Variants in GNG12 observed in about 807,000 individuals in gnomAD.
The protein encoded by GNG12 is G protein subunit gamma 12.
For missense variants in GNG12, 69 were observed against 83.8 expected, an observed-to-expected ratio of 0.82 and a Z score of 0.69; for synonymous variants, 28 against 29.7, an observed-to-expected ratio of 0.94 and a Z score of 0.19.
chr1:67,777,454 T>C lies in GNG12; in HGVS notation c.-27+4A>G, dbSNP rs1253931316. 1.1e-5 allele frequency: 10 copies of C among 898,250 alleles called. No individual in the cohort carries two copies. The highest frequency in any genetic ancestry group is 1.3e-5 in the Non-Finnish European group (10 of 750,442). The allele number at this position is 898,250 out of a possible 1,614,324, so 55.6% of individuals were successfully genotyped here. On this transcript the variant is annotated splice_donor_region_variant and intron_variant, in intron 2 of 3. Transcript: ENST00000370982. ...TCACTTTGTTTAAGAAATGAAGAAC[T>C]TACCAGTAAGACTTTGTGTGGTCCA... is the stretch of plus-strand genomic sequence containing the variant.
intron 2 of GNG12, among the ~76,000 whole-genome samples, chr1:67,776,180 A>G (rs148890617): frequency 3.3e-5 from 5 of 152,246 alleles, no homozygotes; most frequent in African/African-American, 1.2e-4. Flanking sequence ...GAACTGACTG[A>G]GATGCCAGAC....
chr1:67,825,488 T>G (rs1003008134), intron 1 of GNG12, among the ~76,000 whole-genome samples: 1 of 152,162 alleles, frequency 6.6e-6, no homozygotes, highest in Non-Finnish European at 1.5e-5. Context: ...GAGAAGGAAG[T>G]TGATTCTGGC....
At chr1:67,819,779 G>A (rs1284188284) in intron 1 of GNG12, among the ~76,000 whole-genome samples, 3 of 152,090 alleles carry the variant, frequency 2.0e-5, no homozygotes, top group African/African-American at 4.8e-5. Flanking sequence ...TCAAACATGC[G>A]AAGCTTATTC....
At chr1:67,748,273 T>C (rs1325982679) in intron 2 of GNG12, among the ~76,000 whole-genome samples, 1 of 152,220 alleles carries the variant, frequency 6.6e-6, no homozygotes, top group African/African-American at 2.4e-5. Context: ...ATTTGGAAGT[T>C]TGGTTACAGA....
At chr1:67,787,036 AGTGTGTGT>A (rs56084524) in intron 1 of GNG12, among the ~76,000 whole-genome samples, 60 of 131,424 alleles carry the variant, frequency 4.6e-4, no homozygotes, top group Middle Eastern at 3.7e-3. Flanking sequence ...TATGTGTATA[AGTGTGTGT>A]GTGTGTGTGT....
intron 2 of GNG12, among the ~76,000 whole-genome samples, chr1:67,766,098 G>GCACA (rs1278948416): frequency 1.1e-3 from 111 of 100,882 alleles, no homozygotes; most frequent in Admixed American, 3.0e-3. Context: ...ACAAAACAAG[G>GCACA]CACACACGCA....
intron 2 of GNG12, among the ~76,000 whole-genome samples, chr1:67,746,623 T>C (rs1646509048): frequency 6.6e-6 from 1 of 152,168 alleles, no homozygotes; most frequent in Non-Finnish European, 1.5e-5. Flanking sequence ...TGGTCTAAAA[T>C]AAAATCTACC....
chr1:67,826,896 A>C (rs940192644), intron 1 of GNG12, among the ~76,000 whole-genome samples: 1 of 152,202 alleles, frequency 6.6e-6, no homozygotes, highest in African/African-American at 2.4e-5. Context: ...GGTCTGAGTC[A>C]AAGGGTCCCA....
intron 2 of GNG12, among the ~76,000 whole-genome samples, chr1:67,753,544 G>A (rs1025183908): frequency 2.0e-5 from 3 of 152,124 alleles, no homozygotes; most frequent in Non-Finnish European, 2.9e-5. Flanking sequence ...CTGAAGCGGG[G>A]GCCAGGGCAG....
At chr1:67,775,691 T>G (rs963120168) in intron 2 of GNG12, among the ~76,000 whole-genome samples, 1 of 152,086 alleles carries the variant, frequency 6.6e-6, no homozygotes, top group East Asian at 1.9e-4. Context: ...AGCTGGGAAG[T>G]GAGTAGGAGC....
chr1:67,763,121 A>AGAGAGAGAGAGAGAGAGAGAGAG (rs1646616460), intron 2 of GNG12, among the ~76,000 whole-genome samples: 2 of 25,866 alleles, frequency 7.7e-5, no homozygotes, highest in South Asian at 1.4e-3. Context: ...GAGAGAGAGA[A>AGAGAGAGAGAGAGAGAGAGAGAG]TCAATATGAA....
chr1:67,790,346 G>C (rs930336441), intron 1 of GNG12, among the ~76,000 whole-genome samples: 4 of 152,078 alleles, frequency 2.6e-5, no homozygotes, highest in African/African-American at 9.7e-5. Flanking sequence ...ACAATCTGCT[G>C]CCCAGCGTTT....
At chr1:67,777,802 C>T (rs1391421009) in intron 1 of GNG12, among the ~76,000 whole-genome samples, 5 of 152,144 alleles carry the variant, frequency 3.3e-5, no homozygotes, top group Admixed American at 6.6e-5. Context: ...CCTCTCTAGC[C>T]GTTGCCCTTG....
intron 1 of GNG12, among the ~76,000 whole-genome samples, chr1:67,825,267 G>T (rs1276291220): frequency 6.6e-6 from 1 of 152,204 alleles, no homozygotes; most frequent in Non-Finnish European, 1.5e-5. Context: ...GAAGATAGCT[G>T]CATTTAACCA....
chr1:67,714,341 G>A (rs1385827604), intron 2 of GNG12, among the ~76,000 whole-genome samples: 3 of 152,062 alleles, frequency 2.0e-5, no homozygotes, highest in East Asian at 1.9e-4. Flanking sequence ...TCAGGGATTC[G>A]CCGGGGGCAT....
chr1:67,742,448 T>C (rs370441742), intron 2 of GNG12, among the ~76,000 whole-genome samples: 23 of 152,128 alleles, frequency 1.5e-4, no homozygotes, highest in African/African-American at 3.9e-4. Context: ...AACTCCCACA[T>C]AGACCAAAGA....
At chr1:67,736,737 G>C (rs954299451) in intron 2 of GNG12, among the ~76,000 whole-genome samples, 1 of 152,222 alleles carries the variant, frequency 6.6e-6, no homozygotes, top group African/African-American at 2.4e-5. Flanking sequence ...TCAGCAGATA[G>C]GGACTGAGTT....
chr1:67,751,186 C>CAG (rs767867191), intron 2 of GNG12, among the ~76,000 whole-genome samples: 5 of 79,216 alleles, frequency 6.3e-5, no homozygotes, highest in Non-Finnish European at 1.1e-4. Flanking sequence ...CACATACAGA[C>CAG]ACACACACAC....
In GNG12 at chr1:67,704,792, T is replaced by A. The variant is rs966849523; in HGVS notation, c.*659A>T. On this transcript the variant is annotated 3_prime_UTR_variant, in exon 4 of 4. Coordinates refer to ENST00000370982, the MANE Select transcript of GNG12 (RefSeq NM_018841.6). ...TTTCAAGAGAGGAGAGATGATTGCA[T>A]TACTTGATTACAATGAATACAATCT... The A allele has an allele frequency of 2.5e-4, 38 of 152,640 alleles. No individual in the cohort carries two copies. Among genetic ancestry groups the A allele is most frequent in the African/African-American group, 7.7e-4 (32 of 41,460 alleles). The allele number at this position is 152,640 out of a possible 1,614,324, so 9.5% of individuals were successfully genotyped here. A position where few individuals can be genotyped will look rare whatever the true frequency, so the allele number is the denominator to read the frequency against.
Sources: allele counts gnomAD v4.1 joint callset (sites outside exome capture counted in the v4.1 genomes callset), GRCh38; gene constraint gnomAD v4.1.1; transcripts MANE v1.5; gene names NCBI Gene and HGNC (gene_info 2026-07-23, HGNC 2026-07-21).